RUBCN: variants seen among roughly 807,000 people sequenced by gnomAD.
RUBCN encodes rubicon autophagy regulator.
A neutral mutation model predicts 113.2 loss-of-function variants in RUBCN; 74 were observed. The observed-to-expected ratio is 0.65, with a 90% CI of 0.54 to 0.79. The LOEUF (loss-of-function observed/expected upper bound fraction) is 0.79, where lower values mean the gene tolerates loss of function less well. RUBCN is among the 30% of genes least tolerant of loss of function. The pLI, the probability that RUBCN is intolerant of heterozygous loss-of-function variation, is 0.00. For missense variants in RUBCN, 1,109 were observed against 1,251.7 expected (o/e 0.89, Z 1.72); for synonymous variants, 480 against 490.0 (o/e 0.98, Z 0.27).
rs538594530 is a variant in RUBCN, at chr3:197,735,081, T to C, written c.65+1574A>G. ...AGCTGCTCCTGAGACCATCATTATA[T>C]CTGAAACTGTTTCTAAATGTCAAGT... On this transcript the variant is annotated intron_variant, in intron 1 of 19. Transcript: ENST00000296343. Among the ~76,000 whole-genome samples, 41 of 152,346 alleles carry C rather than the reference T, an allele frequency of 2.7e-4. 1 individual carries two copies. The South Asian group carries it at 8.3e-3, about 31-fold the overall frequency.
At chr3:197,690,537 A>G (rs971095976) in intron 11 of RUBCN, among the ~76,000 whole-genome samples, 1 of 152,354 alleles carries the variant, frequency 6.6e-6, no homozygotes. Flanking sequence ...CCTCACCTAC[A>G]GGAAACCTAC....
rs1719574406 is a variant in RUBCN at position 197,669,118 on chromosome 3, C to T, written c.*5900G>A. On this transcript the variant is annotated 3_prime_UTR_variant, in exon 20 of 20. Coordinates refer to ENST00000296343, the MANE Select transcript of RUBCN (RefSeq NM_014687.4). ...CCACAGTAAAGTTGCAAAGATAGTA[C>T]AAATTCGTCACATAGCCCTCACCCG... 6.6e-6 allele frequency among the ~76,000 whole-genome samples: 1 copy of T among 152,172 alleles called. No individual in the cohort carries two copies. The highest frequency in any genetic ancestry group is 1.9e-4 in the East Asian group (1 of 5,198).
intron 1 of RUBCN, among the ~76,000 whole-genome samples, chr3:197,748,721 G>C (rs1728868079): frequency 6.6e-6 from 1 of 152,196 alleles, no homozygotes; most frequent in Non-Finnish European, 1.5e-5. Context: ...ATTCAGGCCT[G>C]GAAAGGGGAG....
intron 16 of RUBCN, 133 bp from the exon 17 acceptor site, chr3:197,677,674 G>T: frequency 1.3e-6 from 1 of 753,786 alleles, no homozygotes; most frequent in Non-Finnish European, 2.3e-6. Flanking sequence ...ACTGTCCTAC[G>T]CTCTGACAAC....
Position 197,681,079 on chromosome 3 carries a change from G to A in RUBCN, c.2430+50C>T, listed in dbSNP as rs778513941. On this transcript the variant is annotated intron_variant, in intron 16 of 19. Transcript: ENST00000296343. This position sits in a 1 kb window ranked among gnomAD's most constrained non-coding sequence, Gnocchi z 5.5. ...CGGGGGAGGGACGAGGGGAGGGGAT[G>A]AGGGGAGGAGAAGGGCAAGACTCTA... 4.6e-5 allele frequency: 54 copies of A among 1,168,372 alleles called. 1 individual carries two copies. The highest frequency in any genetic ancestry group is 4.0e-4 in the East Asian group (17 of 42,576). 72.4% of individuals were successfully genotyped at this position (1,168,372 alleles called of 1,614,324 possible).
chr3:197,700,602 T>C lies in RUBCN; in HGVS notation c.1261+11A>G. 6.2e-7 allele frequency: 1 copy of C among 1,614,126 alleles called. No individual in the cohort carries two copies. The highest frequency in any genetic ancestry group is 1.1e-5 in the South Asian group (1 of 91,080). ...TCATCTTGCTAACTAGCAGCCGGTG[T>C]TCCTCATTACCTGGAGCTCCCCTGG... is the stretch of plus-strand genomic sequence containing the variant. On this transcript the variant is annotated intron_variant, in intron 7 of 19. Transcript: ENST00000296343.
intron 2 of RUBCN, among the ~76,000 whole-genome samples, 160 bp downstream of exon 2, chr3:197,717,817 G>A (rs748111983): frequency 1.3e-5 from 2 of 152,152 alleles, no homozygotes; most frequent in Non-Finnish European, 2.9e-5. Context: ...TGGTCCATCA[G>A]ACACGATGTG....
At position 197,711,667 on chromosome 3, in the gene RUBCN, T is replaced by TA. The variant is rs539843669; in HGVS notation, c.219+6309dup. Among the ~76,000 whole-genome samples, 574 of 152,002 alleles carry TA rather than the reference T, an allele frequency of 3.8e-3. 3 individuals carry two copies. Among genetic ancestry groups the TA allele is most frequent in the African/African-American group, 0.013 (529 of 41,458 alleles). The stretch of plus-strand genomic sequence containing the variant: ...GGGCAACATAGTGAGACCCTGTCTT[T>TA]AAAAAAAATTTTTAATTAAAAAAAA... On this transcript the variant is annotated intron_variant, in intron 2 of 19. Coordinates refer to ENST00000296343, the MANE Select transcript of RUBCN (RefSeq NM_014687.4).
intron 1 of RUBCN, among the ~76,000 whole-genome samples, chr3:197,731,628 C>G (rs935135731): frequency 3.3e-5 from 5 of 151,516 alleles, no homozygotes; most frequent in African/African-American, 9.7e-5. Context: ...GGGGCCTGAC[C>G]CCCCCACCTC....
intron 2 of RUBCN, among the ~76,000 whole-genome samples, chr3:197,708,857 G>A (rs1383447185): frequency 2.0e-5 from 3 of 152,226 alleles, no homozygotes; most frequent in Non-Finnish European, 4.4e-5. Context: ...TTCAGTAAAG[G>A]TAAGTCACTA....
At chr3:197,736,410 C>T (rs1728125790) in intron 1 of RUBCN, among the ~76,000 whole-genome samples, 1 of 152,092 alleles carries the variant, frequency 6.6e-6, no homozygotes, top group Non-Finnish European at 1.5e-5. Flanking sequence ...TGAGCTTCAC[C>T]CTCCTCTGCT....
At chr3:197,734,128 G>A (rs1351503626) in intron 1 of RUBCN, among the ~76,000 whole-genome samples, 1 of 151,816 alleles carries the variant, frequency 6.6e-6, no homozygotes, top group African/African-American at 2.4e-5. Flanking sequence ...GTGGTGGCGG[G>A]CACCTGTAAT....
rs1240727026 is a variant in RUBCN, at chr3:197,701,870, A to C, written c.571-6T>G. The C allele has an allele frequency of 1.2e-6, 2 of 1,613,848 alleles. No individual in the cohort carries two copies. Among genetic ancestry groups the C allele is most frequent in the Non-Finnish European group, 1.7e-6 (2 of 1,179,972 alleles). On this transcript the variant is annotated splice_region_variant and splice_polypyrimidine_tract_variant and intron_variant, in intron 5 of 19. Transcript: ENST00000296343. ...CTCTCGTGCTTTCTGGCAAACTAAAAAGCAAAACAAAACCAAAAAATGTGT... is the reference window on the plus strand; with the variant it reads ...CTCTCGTGCTTTCTGGCAAACTAAACAGCAAAACAAAACCAAAAAATGTGT...
At position 197,681,641 on chromosome 3, in the gene RUBCN, A is replaced by G. The variant is rs1471186284; in HGVS notation, c.2191+194T>C. Among the ~76,000 whole-genome samples the G allele has an allele frequency of 6.6e-6, 1 of 152,144 alleles. No individual in the cohort carries two copies. Among genetic ancestry groups the G allele is most frequent in the African/African-American group, 2.4e-5 (1 of 41,434 alleles). On this transcript the variant is annotated intron_variant, in intron 15 of 19. Coordinates refer to ENST00000296343, the MANE Select transcript of RUBCN (RefSeq NM_014687.4). The surrounding 1 kb of genome is among the most constrained non-coding windows in gnomAD (Gnocchi z 5.5). Reference sequence around the variant, plus strand: ...ACTACCCAACTTTCCACAGGATACAATCCTGGCCATGTGCTCCCAGAAATC... The same window carrying G: ...ACTACCCAACTTTCCACAGGATACAGTCCTGGCCATGTGCTCCCAGAAATC...
At position 197,675,463 on chromosome 3, in the gene RUBCN, A is replaced by G; in HGVS notation, c.2699T>C (p.Ile900Thr). The change falls in exon 19 of 20, where the codon ATC (isoleucine) becomes ACC (threonine). Residue 900 changes from isoleucine to threonine, a missense_variant. Ile to Thr is a moderately conservative substitution (Grantham distance 89). Transcript: ENST00000296343. The surrounding 1 kb of genome is among the most constrained non-coding windows in gnomAD (Gnocchi z 4.4). Reference protein sequence around the residue: ...ICEFCQNEDDIIFPFELHKCR... With the variant: ...ICEFCQNEDDTIFPFELHKCR... Reference sequence around the variant, plus strand: ...CTTATGGAGCTCAAAGGGAAAGATGATGTCATCCTCATTCTGACAGAACTC... The same window carrying G: ...CTTATGGAGCTCAAAGGGAAAGATGGTGTCATCCTCATTCTGACAGAACTC... 2 of 1,614,112 alleles carry G rather than the reference A, an allele frequency of 1.2e-6. No homozygotes were observed. The highest frequency in any genetic ancestry group is 1.7e-6 in the Non-Finnish European group (2 of 1,180,030).
At position 197,681,160 on chromosome 3, in the gene RUBCN, T is replaced by C. The variant is rs1200787833; in HGVS notation, c.2399A>G (p.Tyr800Cys). Residue 800 changes from tyrosine (Y) to cysteine (C), a missense_variant, in exon 16 of 20, where the codon TAT becomes TGT. Transcript: ENST00000296343. This position sits in a 1 kb window ranked among gnomAD's most constrained non-coding sequence, Gnocchi z 5.5. ...FNVQDINSAL[Y>C]RKVKLLNQVR... ...TTGATTGAGCAGCTTGACCTTCCTA[T>C]AGAGGGCACTGTTTATGTCCTGCAC... 1 of 1,613,354 alleles carries C rather than the reference T, an allele frequency of 6.2e-7. No individual in the cohort carries two copies. The highest frequency in any genetic ancestry group is 8.5e-7 in the Non-Finnish European group (1 of 1,179,630).
chr3:197,716,192 G>A (rs1725492740), intron 2 of RUBCN, among the ~76,000 whole-genome samples: 1 of 152,132 alleles, frequency 6.6e-6, no homozygotes, highest in South Asian at 2.1e-4. Context: ...CGGTGGCACG[G>A]TCTCAGCTCA....
intron 1 of RUBCN, among the ~76,000 whole-genome samples, chr3:197,734,166 A>C (rs922188320): frequency 6.6e-6 from 1 of 151,474 alleles, no homozygotes; most frequent in African/African-American, 2.4e-5. Flanking sequence ...CTGAGGCAGG[A>C]GAATTGTTTG....
At chr3:197,698,535 G>A (rs1365646754) in intron 7 of RUBCN, among the ~76,000 whole-genome samples, 3 of 149,818 alleles carry the variant, frequency 2.0e-5, no homozygotes, top group African/African-American at 7.4e-5. Flanking sequence ...GAAAACAGGT[G>A]AAAGAAAAAG....
Sources: allele counts gnomAD v4.1 joint callset (sites outside exome capture counted in the v4.1 genomes callset), GRCh38; gene constraint gnomAD v4.1.1; non-coding constraint Gnocchi (gnomAD v3.1); transcripts MANE v1.5; gene names NCBI Gene and HGNC (gene_info 2026-07-23, HGNC 2026-07-21).